Variants in NCAPH observed in about 807,000 individuals in gnomAD.
NCAPH encodes the protein condensin complex subunit 2.
In NCAPH, 38 loss-of-function variants were observed where a neutral mutation model predicts 85.5. The observed-to-expected ratio is 0.44, with a 90% CI of 0.34 to 0.58. The LOEUF is 0.58. Among genes scored for constraint, NCAPH ranks in the 20% least tolerant of loss-of-function variants. NCAPH has a pLI of 0.01. For synonymous variants in NCAPH, 301 were observed against 335.1 expected (o/e 0.90, Z 1.11); for missense variants, 789 against 916.6 (o/e 0.86, Z 1.80).
chr2:96,338,557 G>T (rs1269274969), intron 1 of NCAPH, among the ~76,000 whole-genome samples: 1 of 152,216 alleles, frequency 6.6e-6, no homozygotes, highest in African/African-American at 2.4e-5. Flanking sequence ...CTGTTGAGAA[G>T]ACTATCATGG....
intron 17 of NCAPH, among the ~76,000 whole-genome samples, chr2:96,370,564 A>G (rs2064759374): frequency 6.6e-6 from 1 of 152,220 alleles, no homozygotes; most frequent in African/African-American, 2.4e-5. Flanking sequence ...TGGCACAGCC[A>G]TCAGCCAATC....
intron 17 of NCAPH, among the ~76,000 whole-genome samples, chr2:96,372,580 C>T (rs1409740858): frequency 4.6e-5 from 7 of 152,194 alleles, no homozygotes; most frequent in African/African-American, 1.2e-4. Context: ...CACCATGTCC[C>T]GCTCCATCCT....
intron 1 of NCAPH, among the ~76,000 whole-genome samples, chr2:96,340,475 C>CT: frequency 6.9e-6 from 1 of 145,148 alleles, no homozygotes; most frequent in African/African-American, 2.5e-5. Context: ...AGTGCAACCT[C>CT]TGTCTCCCGG....
chr2:96,353,373 G>A lies in NCAPH; in HGVS notation c.978G>A (p.Gln326=). ...CCCTGGCCGGGTTCCAGTTTACACA[G>A]TGGGACAGTGAAACACATAATGAGG... The part of the protein sequence containing the change: ...CPSLAGFQFT[Q]WDSETHNESV... The change falls in exon 8 of 18, where the codon CAG becomes CAA. Residue 326 remains glutamine, a synonymous_variant. Transcript: ENST00000240423. 1 of 1,614,196 alleles carries A rather than the reference G, an allele frequency of 6.2e-7. No homozygotes were observed. Among genetic ancestry groups the A allele is most frequent in the Non-Finnish European group, 8.5e-7 (1 of 1,179,998 alleles).
At chr2:96,359,856 C>G (rs1316069781) in intron 10 of NCAPH, among the ~76,000 whole-genome samples, 1 of 152,238 alleles carries the variant, frequency 6.6e-6, no homozygotes, top group African/African-American at 2.4e-5. Context: ...CTCCTGGCCT[C>G]AAGTGATCCT....
chr2:96,354,490 T>G, intron 9 of NCAPH, 102 bp downstream of exon 9: 2 of 1,059,318 alleles, frequency 1.9e-6, no homozygotes, highest in Non-Finnish European at 2.5e-6. Context: ...TTCTTTTTTT[T>G]TCCCCCCCCA....
chr2:96,343,094 T>G lies in NCAPH; in HGVS notation c.457-72T>G, dbSNP rs1457208545. On this transcript the variant is annotated intron_variant, in intron 4 of 17. Coordinates refer to ENST00000240423, the MANE Select transcript of NCAPH (RefSeq NM_015341.5). ...GGGGCAAGTAAATATTTTGTGAAGC[T>G]TGCTGTGTTTTACCTGTTCAGAAGT... 1.9e-6 allele frequency: 3 copies of G among 1,576,680 alleles called. No homozygotes were observed. The African/African-American group carries it at 4.1e-5, about 21-fold the overall frequency.
At chr2:96,367,087 ACT>A (rs1456019681) in intron 14 of NCAPH, among the ~76,000 whole-genome samples, 168 bp from the exon 15 acceptor site, 1 of 152,026 alleles carries the variant, frequency 6.6e-6, no homozygotes, top group African/African-American at 2.4e-5. Context: ...CAAGAGTGAA[ACT>A]CTGTCTCAAA....
At chr2:96,367,790 TA>T (rs1393530294) in intron 15 of NCAPH, among the ~76,000 whole-genome samples, 8 of 152,338 alleles carry the variant, frequency 5.3e-5, no homozygotes, top group Admixed American at 1.3e-4. Flanking sequence ...GCCTTGCTGG[TA>T]ATCAAAAAAG....
intron 17 of NCAPH, among the ~76,000 whole-genome samples, chr2:96,371,646 C>T (rs2064774390): frequency 6.6e-6 from 1 of 152,192 alleles, no homozygotes; most frequent in South Asian, 2.1e-4. Context: ...TGGGTGGCTA[C>T]AGCCCATGAC....
intron 3 of NCAPH, 60 bp downstream of exon 3, chr2:96,342,200 C>A: frequency 7.3e-7 from 1 of 1,379,016 alleles, no homozygotes; most frequent in Non-Finnish European, 1.0e-6. Flanking sequence ...GGAAATCCAG[C>A]TATCTTGTTT....
At chr2:96,342,710 G>T (rs1376490671) in intron 3 of NCAPH, 46 bp from the exon 4 acceptor site, 1 of 1,445,414 alleles carries the variant, frequency 6.9e-7, no homozygotes, top group Non-Finnish European at 9.7e-7. Context: ...ATTTACATGA[G>T]CCTAGGCTAT....
rs1253336639 is a variant in NCAPH, at chr2:96,359,117, A to G, written c.1281A>G (p.Glu427=). The G allele has an allele frequency of 1.9e-6, 3 of 1,614,022 alleles. No homozygotes were observed. The highest frequency in any genetic ancestry group is 2.7e-5 in the African/African-American group (2 of 74,902). ...CCCTTCTGTCTATGAAACCTGGAGAATATTCTTATTTCAGTCCTCGGACCA... is the reference window on the plus strand; with the variant it reads ...CCCTTCTGTCTATGAAACCTGGAGAGTATTCTTATTTCAGTCCTCGGACCA... ...MCPLLSMKPG[E]YSYFSPRTMS... The change falls in exon 10 of 18, where the codon GAA becomes GAG. Residue 427 remains glutamate (E), a synonymous_variant. Coordinates refer to ENST00000240423, the MANE Select transcript of NCAPH (RefSeq NM_015341.5).
rs1461317706 is a variant in NCAPH at position 96,337,069 on chromosome 2, G to A, written c.19+1221G>A. Among the ~76,000 whole-genome samples the A allele has an allele frequency of 2.6e-5, 4 of 152,216 alleles. No homozygotes were observed. In the East Asian group the frequency reaches 7.7e-4, roughly 29 times the overall value. On this transcript the variant is annotated intron_variant, in intron 1 of 17. Coordinates refer to ENST00000240423, the MANE Select transcript of NCAPH (RefSeq NM_015341.5). ...TGGAATAGGAACCAGACCAGAGTGG[G>A]TTGAAAAATGAGTGGGAAATGAGGA... is the stretch of plus-strand genomic sequence containing the variant.
Position 96,343,174 on chromosome 2 carries a change from G to A in NCAPH, c.465G>A (p.Ala155=), listed in dbSNP as rs1257019394. 12 of 1,613,900 alleles carry A rather than the reference G, an allele frequency of 7.4e-6. No homozygotes were observed. The highest frequency in any genetic ancestry group is 2.2e-5 in the East Asian group (1 of 44,896). ...TCTGATTGTTTGACTAGGTGGCTGC[G>A]GGTACTCTGGATGCCAGCACCAAGA... ...DTEPTNFKVA[A]GTLDASTKIY... Residue 155 remains alanine (A), a synonymous_variant, in exon 5 of 18, where the codon GCG becomes GCA. Coordinates refer to ENST00000240423, the MANE Select transcript of NCAPH (RefSeq NM_015341.5).
chr2:96,340,143 G>A (rs184591996), intron 1 of NCAPH, among the ~76,000 whole-genome samples: 2 of 151,616 alleles, frequency 1.3e-5, no homozygotes, highest in African/African-American at 4.8e-5. Context: ...GGCTGGTCTC[G>A]AACTCCTGAC....
chr2:96,366,033 C>T lies in NCAPH; in HGVS notation c.1856C>T (p.Ser619Leu), dbSNP rs771164874. 1.2e-6 allele frequency: 2 copies of T among 1,614,124 alleles called. No individual in the cohort carries two copies. Among genetic ancestry groups the T allele is most frequent in the Non-Finnish European group, 1.7e-6 (2 of 1,180,026 alleles). ...TTAGACATCACAACATATGGGGAGT[C>T]AAACTTGGTAGCTGAGCCTCAGAAG... is the stretch of plus-strand genomic sequence containing the variant. ...QGLDITTYGE[S>L]NLVAEPQKVN... is the part of the protein sequence containing the mutation. Residue 619 changes from serine (S) to leucine (L), a missense_variant, in exon 14 of 18, where the codon TCA (serine) becomes TTA (leucine). By Grantham distance (145) the Ser-to-Leu change is moderately radical. Transcript: ENST00000240423.
At chr2:96,338,789 T>TA (rs1276519022) in intron 1 of NCAPH, among the ~76,000 whole-genome samples, 8 of 152,210 alleles carry the variant, frequency 5.3e-5, no homozygotes, top group Admixed American at 4.6e-4. Flanking sequence ...AGAGAACACA[T>TA]AAACGTGTGG....
intron 5 of NCAPH, among the ~76,000 whole-genome samples, chr2:96,343,639 CA>C (rs1440148872): frequency 1.3e-5 from 2 of 151,546 alleles, no homozygotes; most frequent in African/African-American, 4.8e-5. Flanking sequence ...CCATAAGTTG[CA>C]GATTAAATAT....
Sources: gnomAD v4.1 joint callset for allele counts (sites outside exome capture counted in the v4.1 genomes callset) on GRCh38, gnomAD v4.1.1 for gene constraint, MANE v1.5 for transcripts, NCBI Gene and HGNC (gene_info 2026-07-23, HGNC 2026-07-21) for gene names.